The following RAD17 variants were observed in gnomAD, a reference collection of about 807,000 sequenced individuals.
RAD17 encodes the protein cell cycle checkpoint protein RAD17.
RAD17 carries 31 observed loss-of-function variants against 81.5 expected under a neutral mutation model. The observed-to-expected ratio is 0.38, with a 90% CI of 0.29 to 0.51. The LOEUF (loss-of-function observed/expected upper bound fraction) is 0.51. RAD17 is among the 20% of genes least tolerant of loss of function. The probability of loss-of-function intolerance (pLI) is 0.88; values close to 1 mark genes in which losing one functional copy is unlikely to be tolerated. For synonymous variants in RAD17, 261 were observed against 266.2 expected (o/e 0.98, Z 0.19); for missense variants, 681 against 781.2 (o/e 0.87, Z 1.53).
chr5:69,397,201 G>A (rs1430384788), intron 16 of RAD17, among the ~76,000 whole-genome samples: 1 of 151,784 alleles, frequency 6.6e-6, no homozygotes, highest in African/African-American at 2.4e-5. Flanking sequence ...GAGTGCAGTG[G>A]TGCCATCTCT....
At chr5:69,389,857 C>G (rs907487863) in intron 12 of RAD17, among the ~76,000 whole-genome samples, 4 of 152,092 alleles carry the variant, frequency 2.6e-5, no homozygotes, top group African/African-American at 9.7e-5. Context: ...AGGATGGTTG[C>G]GATCTCCTGA....
At chr5:69,370,074 C>T (rs1762840833) in intron 1 of RAD17, 141 bp downstream of exon 1, 2 of 287,636 alleles carry the variant, frequency 7.0e-6, no homozygotes, top group African/African-American at 2.3e-5. Context: ...ATTGAGGGTG[C>T]AGAGCCCTGT....
intron 13 of RAD17, among the ~76,000 whole-genome samples, chr5:69,392,286 C>G (rs1764598678): frequency 6.6e-6 from 1 of 152,154 alleles, no homozygotes; most frequent in Admixed American, 6.5e-5. Flanking sequence ...GAGAGCAGAT[C>G]ATCTAGACTT....
At chr5:69,400,200 G>A in intron 17 of RAD17, 31 bp downstream of exon 17, 10 of 1,369,448 alleles carry the variant, frequency 7.3e-6, no homozygotes, top group Non-Finnish European at 9.5e-6. Flanking sequence ...TTTCTTTTAA[G>A]AAGTAGGGTT....
chr5:69,382,205 A>G (rs1298176560), intron 7 of RAD17, 148 bp downstream of exon 7: 3 of 889,890 alleles, frequency 3.4e-6, no homozygotes, highest in Non-Finnish European at 5.1e-6. Context: ...TGGCTGTCAC[A>G]TGGGAGGCTG....
At chr5:69,401,454 A>G (rs1194529045) in intron 17 of RAD17, among the ~76,000 whole-genome samples, 1 of 151,936 alleles carries the variant, frequency 6.6e-6, no homozygotes, top group Non-Finnish European at 1.5e-5. Context: ...CTTATGATGG[A>G]TATTTTGGTG....
chr5:69,403,834 T>C (rs2150870670), intron 17 of RAD17, among the ~76,000 whole-genome samples: 2 of 152,152 alleles, frequency 1.3e-5, no homozygotes, highest in East Asian at 3.9e-4. Context: ...AGTAAGGGGA[T>C]CACTTGAGCC....
chr5:69,373,711 T>TG, intron 4 of RAD17, 119 bp from the exon 5 acceptor site: 1 of 435,610 alleles, frequency 2.3e-6, no homozygotes, highest in Non-Finnish European at 3.4e-6. Context: ...TTTTTTTTTT[T>TG]TTTTTAAGTT....
intron 17 of RAD17, among the ~76,000 whole-genome samples, chr5:69,407,482 T>C (rs1765677552): frequency 6.6e-6 from 1 of 151,888 alleles, no homozygotes; most frequent in Admixed American, 6.6e-5. Flanking sequence ...CATTAGGGTA[T>C]GTTCACTTGA....
At chr5:69,381,373 C>T (rs941239659) in intron 6 of RAD17, among the ~76,000 whole-genome samples, 1 of 151,620 alleles carries the variant, frequency 6.6e-6, no homozygotes, top group African/African-American at 2.4e-5. Flanking sequence ...CCCAGCTACT[C>T]GGGTGGCTGA....
chr5:69,373,163 A>T (rs1029053561), intron 4 of RAD17, among the ~76,000 whole-genome samples: 1 of 152,192 alleles, frequency 6.6e-6, no homozygotes, highest in Admixed American at 6.5e-5. Context: ...TTTCTGTTAA[A>T]ATATTATCAT....
intron 6 of RAD17, 122 bp from the exon 7 acceptor site, chr5:69,381,779 G>A: frequency 1.4e-6 from 1 of 720,076 alleles, no homozygotes; most frequent in Non-Finnish European, 2.2e-6. Flanking sequence ...AATTTAATGT[G>A]CTTATATGAG....
In RAD17 at chr5:69,393,337, T is replaced by C. The variant is rs751136002; in HGVS notation, c.1276-17T>C. 1 of 1,584,032 alleles carries C rather than the reference T, an allele frequency of 6.3e-7. No homozygotes were observed. Among genetic ancestry groups the C allele is most frequent in the South Asian group, 1.1e-5 (1 of 87,828 alleles). Reference sequence around the variant, plus strand: ...TGCATTTTTACCAAATTTATGTATATATGCTTCTTTTTATAGGAGGTAGTA... The same window carrying C: ...TGCATTTTTACCAAATTTATGTATACATGCTTCTTTTTATAGGAGGTAGTA... On this transcript the variant is annotated splice_polypyrimidine_tract_variant and intron_variant, in intron 14 of 18. Coordinates refer to ENST00000354868, the MANE Select transcript of RAD17 (RefSeq NM_133338.3).
At chr5:69,402,403 C>A (rs1394643626) in intron 17 of RAD17, among the ~76,000 whole-genome samples, 1 of 150,982 alleles carries the variant, frequency 6.6e-6, no homozygotes, top group African/African-American at 2.5e-5. Flanking sequence ...CAGTGGTTCA[C>A]GCCTGTAATC....
chr5:69,389,664 G>A (rs1321359789), intron 12 of RAD17, among the ~76,000 whole-genome samples: 6 of 152,136 alleles, frequency 3.9e-5, no homozygotes, highest in Admixed American at 1.3e-4. Flanking sequence ...ATTTTGAGAC[G>A]GAGTCTCGCT....
At chr5:69,371,655 G>A in intron 3 of RAD17, 98 bp downstream of exon 3, 1 of 578,710 alleles carries the variant, frequency 1.7e-6, no homozygotes, top group Non-Finnish European at 2.6e-6. Context: ...CAAAGTAATA[G>A]AGCCGAGTAT....
At chr5:69,377,189 T>C (rs1390405047) in intron 6 of RAD17, among the ~76,000 whole-genome samples, 1 of 152,000 alleles carries the variant, frequency 6.6e-6, no homozygotes, top group African/African-American at 2.4e-5. Flanking sequence ...CATAGAAATC[T>C]CGTCTCTTGT....
At chr5:69,382,777 G>A (rs929981823) in intron 7 of RAD17, among the ~76,000 whole-genome samples, 6 of 152,098 alleles carry the variant, frequency 3.9e-5, no homozygotes, top group Admixed American at 1.3e-4. Context: ...TTAAGATAAC[G>A]ATTTAAAAAT....
intron 17 of RAD17, among the ~76,000 whole-genome samples, chr5:69,404,642 G>A (rs1200953724): frequency 1.3e-5 from 2 of 151,798 alleles, no homozygotes; most frequent in African/African-American, 2.4e-5. Context: ...AGTGGTGGGC[G>A]CCTGTAATCC....
Sources: allele counts gnomAD v4.1 joint callset (sites outside exome capture counted in the v4.1 genomes callset), GRCh38; gene constraint gnomAD v4.1.1; transcripts MANE v1.5; gene names NCBI Gene and HGNC (gene_info 2026-07-23, HGNC 2026-07-21).